The following RBMS3 variants were observed in gnomAD, a reference collection of about 807,000 sequenced individuals.
RBMS3 encodes the protein RNA-binding motif, single-stranded-interacting protein 3.
A neutral mutation model predicts 66.8 loss-of-function variants in RBMS3; 27 were observed. The ratio of observed to expected loss-of-function variants is 0.40; its 90% confidence interval spans 0.30 to 0.56. The LOEUF (loss-of-function observed/expected upper bound fraction) is 0.56, where lower values mean the gene tolerates loss of function less well. RBMS3 is among the 20% of genes least tolerant of loss of function. The probability of loss-of-function intolerance (pLI) is 0.40; values close to 1 mark genes in which losing one functional copy is unlikely to be tolerated. For synonymous variants in RBMS3, 188 were observed against 183.0 expected (o/e 1.03, Z -0.22); for missense variants, 513 against 549.5 (o/e 0.93, Z 0.66).
At chr3:29,794,141 T>C (rs2057100811) in intron 6 of RBMS3, among the ~76,000 whole-genome samples, 1 of 152,170 alleles carries the variant, frequency 6.6e-6, no homozygotes, top group South Asian at 2.1e-4. Context: ...AAACCTCTTT[T>C]CTTATAAATT....
chr3:29,326,037 T>A (rs1041838632), intron 1 of RBMS3, among the ~76,000 whole-genome samples: 3 of 152,226 alleles, frequency 2.0e-5, no homozygotes, highest in African/African-American at 7.2e-5. Flanking sequence ...GACTGTAGAT[T>A]AAACTGTCAT....
At chr3:29,962,055 TATATA>T (rs1469590486) in intron 12 of RBMS3, among the ~76,000 whole-genome samples, 21 of 146,036 alleles carry the variant, frequency 1.4e-4, no homozygotes, top group South Asian at 4.2e-4. Context: ...TATATGTGTA[TATATA>T]ATATATTATT....
intron 1 of RBMS3, among the ~76,000 whole-genome samples, chr3:29,316,738 A>G (rs1380190373): frequency 6.6e-6 from 1 of 151,706 alleles, no homozygotes; most frequent in Non-Finnish European, 1.5e-5. Context: ...ACTATTTAAT[A>G]GCTATTATAA....
intron 6 of RBMS3, among the ~76,000 whole-genome samples, chr3:29,809,792 G>C (rs2057676044): frequency 6.6e-6 from 1 of 151,946 alleles, no homozygotes; most frequent in Non-Finnish European, 1.5e-5. Context: ...GAAGGCAGCA[G>C]TTTAGGCCGA....
At chr3:29,674,362 C>G (rs766833109) in intron 4 of RBMS3, among the ~76,000 whole-genome samples, 28 of 152,134 alleles carry the variant, frequency 1.8e-4, no homozygotes, top group Non-Finnish European at 3.8e-4. Context: ...GATGCCCTCT[C>G]TCACCACTCC....
At chr3:29,669,271 C>T (rs2050894650) in intron 4 of RBMS3, among the ~76,000 whole-genome samples, 2 of 152,194 alleles carry the variant, frequency 1.3e-5, no homozygotes, top group Non-Finnish European at 1.5e-5. Context: ...ACTTCACTCC[C>T]TCAATAAATC....
chr3:29,868,947 T>C lies in RBMS3; in HGVS notation c.727T>C (p.Trp243Arg). ...QSKYTQNGRPWPREGEAGMAL... is the reference protein window; with the variant it reads ...QSKYTQNGRPRPREGEAGMAL... ...CAAATATACCCAGAATGGGAGGCCT[T>C]GGCCCAGGGAAGGAGAGGTGAGTCC... Residue 243 changes from tryptophan to arginine, a missense_variant, in exon 7 of 15, where the codon TGG becomes CGG. Physicochemically the swap from Trp to Arg is moderately radical, Grantham distance 101. Coordinates refer to ENST00000383767, the MANE Select transcript of RBMS3 (RefSeq NM_001003793.3). 1 of 1,597,936 alleles carries C rather than the reference T, an allele frequency of 6.3e-7. No homozygotes were observed. The highest frequency in any genetic ancestry group is 8.5e-7 in the Non-Finnish European group (1 of 1,170,928).
chr3:29,882,689 C>T (rs1049566306), intron 7 of RBMS3, among the ~76,000 whole-genome samples: 5 of 152,006 alleles, frequency 3.3e-5, no homozygotes. Flanking sequence ...ATCAGGCCCT[C>T]TGTTAGAAGA....
chr3:29,866,128 T>C (rs969474943), intron 6 of RBMS3, among the ~76,000 whole-genome samples: 1 of 148,060 alleles, frequency 6.8e-6, no homozygotes, highest in African/African-American at 2.5e-5. Context: ...ATTCCTTGGT[T>C]AAAAAAAGAC....
At chr3:29,730,543 G>T (rs1380290484) in intron 4 of RBMS3, among the ~76,000 whole-genome samples, 1 of 152,136 alleles carries the variant, frequency 6.6e-6, no homozygotes, top group African/African-American at 2.4e-5. Flanking sequence ...AATTAGTAGT[G>T]TATCATAGTA....
intron 6 of RBMS3, among the ~76,000 whole-genome samples, chr3:29,797,199 C>T (rs9848791): frequency 0.31 from 46,659 of 152,124 alleles, 7,960 homozygotes; most frequent in African/African-American, 0.46. Flanking sequence ...CCTTCATAAA[C>T]TATCTTAGCT....
At chr3:29,840,653 A>T (rs746182339) in intron 6 of RBMS3, among the ~76,000 whole-genome samples, 1 of 152,084 alleles carries the variant, frequency 6.6e-6, no homozygotes, top group Non-Finnish European at 1.5e-5. Flanking sequence ...GAAGGTCCTC[A>T]GACCACACTT....
intron 1 of RBMS3, among the ~76,000 whole-genome samples, chr3:29,431,240 G>A (rs1158638259): frequency 6.6e-6 from 1 of 150,810 alleles, no homozygotes; most frequent in African/African-American, 2.4e-5. Context: ...GAAAAATGTT[G>A]ATACTAAAGC....
At chr3:29,687,268 G>T (rs1397395818) in intron 4 of RBMS3, among the ~76,000 whole-genome samples, 1 of 152,192 alleles carries the variant, frequency 6.6e-6, no homozygotes, top group East Asian at 1.9e-4. Flanking sequence ...AGAACAGCCA[G>T]GTTTCTGTTT....
intron 3 of RBMS3, among the ~76,000 whole-genome samples, chr3:29,537,371 C>T (rs2045599412): frequency 6.6e-6 from 1 of 152,134 alleles, no homozygotes; most frequent in South Asian, 2.1e-4. Context: ...TTCACATCTG[C>T]TCCCTCGTGG....
At chr3:29,666,839 C>T (rs17024102) in intron 4 of RBMS3, among the ~76,000 whole-genome samples, 17,641 of 151,942 alleles carry the variant, frequency 0.12, 2,232 homozygotes, top group African/African-American at 0.31. Context: ...TGGGAATGAG[C>T]TTATCACAGT....
chr3:29,479,288 T>C (rs1353089563), intron 2 of RBMS3, among the ~76,000 whole-genome samples: 3 of 150,574 alleles, frequency 2.0e-5, no homozygotes, highest in African/African-American at 7.3e-5. Flanking sequence ...ATGTAATGTA[T>C]ATGTGTATGT....
chr3:29,495,042 C>A (rs1559410211), intron 3 of RBMS3, among the ~76,000 whole-genome samples: 1 of 147,800 alleles, frequency 6.8e-6, no homozygotes, highest in Non-Finnish European at 1.5e-5. Flanking sequence ...CCCTTAAAAT[C>A]AAAATTGGAG....
intron 3 of RBMS3, among the ~76,000 whole-genome samples, chr3:29,494,239 A>G (rs2043656517): frequency 6.6e-6 from 1 of 152,234 alleles, no homozygotes; most frequent in Non-Finnish European, 1.5e-5. Flanking sequence ...CTATTTTAGC[A>G]TTTAAAAGAA....
Sources: gnomAD v4.1 joint callset for allele counts (sites outside exome capture counted in the v4.1 genomes callset) on GRCh38, gnomAD v4.1.1 for gene constraint, MANE v1.5 for transcripts, NCBI Gene and HGNC (gene_info 2026-07-23, HGNC 2026-07-21) for gene names.